The following LRRTM4 variants were observed in gnomAD, a reference collection of about 807,000 sequenced individuals.
The protein encoded by LRRTM4 is leucine rich repeat transmembrane neuronal 4, also known as leucine-rich repeat transmembrane neuronal protein 4.
In LRRTM4, 25 loss-of-function variants were observed where a neutral mutation model predicts 47.6. The observed-to-expected ratio is 0.53, with a 90% CI of 0.38 to 0.73. The LOEUF is 0.73. Ranked by LOEUF, LRRTM4 falls within the 30% of genes least tolerant of loss-of-function variation. The probability of loss-of-function intolerance (pLI) is 0.00; values close to 1 mark genes in which losing one functional copy is unlikely to be tolerated. For synonymous variants in LRRTM4, 311 were observed against 269.5 expected (o/e 1.15, Z -1.51); for missense variants, 638 against 713.4 (o/e 0.89, Z 1.20).
intron 3 of LRRTM4, among the ~76,000 whole-genome samples, chr2:77,382,968 CA>C (rs1460215093): frequency 6.6e-6 from 1 of 151,980 alleles, no homozygotes; most frequent in Non-Finnish European, 1.5e-5. Context: ...AGAAAATATG[CA>C]GATTCAGAGC....
In LRRTM4 at chr2:76,796,565, G is replaced by A. The variant is rs866366433; in HGVS notation, c.1552-47649C>T. On this transcript the variant is annotated intron_variant, in intron 3 of 3. Transcript: ENST00000409884. ...GCACGGGCACACTGACACCTCACAC[G>A]GCAGGGTATTCCAACAGACCTGCAG... Among the ~76,000 whole-genome samples, 284 of 120,222 alleles carry A rather than the reference G, an allele frequency of 2.4e-3. 4 individuals are homozygous for A. Among genetic ancestry groups the A allele is most frequent in the African/African-American group, 7.2e-3 (195 of 27,156 alleles). The allele number at this position is 120,222 out of a possible 152,430, so 78.9% of individuals were successfully genotyped here.
chr2:77,113,443 T>G (rs1671304237), intron 3 of LRRTM4, among the ~76,000 whole-genome samples: 1 of 152,114 alleles, frequency 6.6e-6, no homozygotes, highest in Admixed American at 6.5e-5. Flanking sequence ...CCTTGAGCAT[T>G]ATGAGGTTCT....
chr2:76,787,132 G>C (rs1406233341), intron 3 of LRRTM4, among the ~76,000 whole-genome samples: 1 of 152,020 alleles, frequency 6.6e-6, no homozygotes, highest in East Asian at 1.9e-4. Flanking sequence ...CTGTGTTCAT[G>C]TCATAAAGGA....
intron 3 of LRRTM4, among the ~76,000 whole-genome samples, chr2:76,813,894 A>G (rs2103832083): frequency 7.6e-6 from 1 of 131,172 alleles, no homozygotes; most frequent in African/African-American, 3.0e-5. Flanking sequence ...ACAACTATGA[A>G]CCAATTTGGC....
intron 3 of LRRTM4, among the ~76,000 whole-genome samples, chr2:77,390,935 G>A (rs1673479280): frequency 6.6e-6 from 1 of 151,404 alleles, no homozygotes; most frequent in Non-Finnish European, 1.5e-5. Flanking sequence ...GCAACACAGA[G>A]AAGAAATAAC....
chr2:77,309,726 GATAGATAT>G (rs926841044), intron 3 of LRRTM4, among the ~76,000 whole-genome samples: 2 of 130,654 alleles, frequency 1.5e-5, no homozygotes, highest in African/African-American at 5.7e-5. Context: ...TAGATAGATA[GATAGATAT>G]AACAAAAGGC....
chr2:76,814,846 C>T (rs941855283), intron 3 of LRRTM4, among the ~76,000 whole-genome samples: 1 of 151,232 alleles, frequency 6.6e-6, no homozygotes, highest in African/African-American at 2.4e-5. Flanking sequence ...AAAGCATACC[C>T]CATACATATG....
At chr2:77,456,244 C>G (rs1040723703) in intron 3 of LRRTM4, among the ~76,000 whole-genome samples, 10 of 152,124 alleles carry the variant, frequency 6.6e-5, no homozygotes, top group Non-Finnish European at 1.5e-4. Flanking sequence ...CTATGCTACC[C>G]TAAAAATTCT....
chr2:76,974,464 A>G (rs1012665857), intron 3 of LRRTM4, among the ~76,000 whole-genome samples: 22 of 151,022 alleles, frequency 1.5e-4, no homozygotes, highest in African/African-American at 4.8e-4. Flanking sequence ...ACATTTTATA[A>G]TATTAACTAA....
rs60366048 is a variant in LRRTM4, at chr2:77,046,977, C to T, written c.1552-298061G>A. Among the ~76,000 whole-genome samples the T allele has an allele frequency of 7.0e-3, 1,062 of 152,094 alleles. 11 individuals carry two copies. The highest frequency in any genetic ancestry group is 0.025 in the African/African-American group (1,024 of 41,528). ...TTGTTCTGCATGAGCATATTCTGCTCCTCTCTCGGAGCAAATGTCCAATAA... is the reference window on the plus strand; with the variant it reads ...TTGTTCTGCATGAGCATATTCTGCTTCTCTCTCGGAGCAAATGTCCAATAA... On this transcript the variant is annotated intron_variant, in intron 3 of 3. Coordinates refer to ENST00000409884, the MANE Select transcript of LRRTM4 (RefSeq NM_001134745.3).
rs139399429 is a variant in LRRTM4 at position 77,420,697 on chromosome 2, T to C, written c.1551+97621A>G. Among the ~76,000 whole-genome samples the C allele has an allele frequency of 5.8e-3, 873 of 149,884 alleles. 6 individuals are homozygous for C. The highest frequency in any genetic ancestry group is 0.01 in the Middle Eastern group (3 of 290). On this transcript the variant is annotated intron_variant, in intron 3 of 3. Coordinates refer to ENST00000409884, the MANE Select transcript of LRRTM4 (RefSeq NM_001134745.3). Reference sequence around the variant, plus strand: ...CCAAGGAGCCTTGTCTTTTTTTTACTAGGAAATATAATTCAGAGAATATAA... The same window carrying C: ...CCAAGGAGCCTTGTCTTTTTTTTACCAGGAAATATAATTCAGAGAATATAA...
chr2:76,836,901 T>A (rs1048914613), intron 3 of LRRTM4, among the ~76,000 whole-genome samples: 1 of 152,172 alleles, frequency 6.6e-6, no homozygotes, highest in Admixed American at 6.6e-5. Flanking sequence ...TTTTCCCTTA[T>A]GTTACAAGAA....
intron 3 of LRRTM4, among the ~76,000 whole-genome samples, chr2:76,911,383 A>G (rs1674049786): frequency 6.6e-6 from 1 of 152,238 alleles, no homozygotes; most frequent in South Asian, 2.1e-4. Flanking sequence ...TGGACAGCCA[A>G]GAACAGTTAC....
At chr2:76,836,433 C>A (rs1021052755) in intron 3 of LRRTM4, among the ~76,000 whole-genome samples, 5 of 151,924 alleles carry the variant, frequency 3.3e-5, no homozygotes, top group African/African-American at 1.2e-4. Context: ...CAAATTTCCA[C>A]TCCGGGCATT....
At chr2:76,980,514 A>C (rs181611088) in intron 3 of LRRTM4, among the ~76,000 whole-genome samples, 7 of 152,238 alleles carry the variant, frequency 4.6e-5, no homozygotes, top group Non-Finnish European at 1.5e-5. Flanking sequence ...AGAAAAATTC[A>C]AGAAAAGAGA....
rs528601508 is a variant in LRRTM4, at chr2:76,899,062, A to C, written c.1552-150146T>G. Among the ~76,000 whole-genome samples the C allele has an allele frequency of 2.0e-5, 3 of 152,186 alleles. No homozygotes were observed. In the South Asian group the frequency reaches 6.2e-4, roughly 31 times the overall value. On this transcript the variant is annotated intron_variant, in intron 3 of 3. Coordinates refer to ENST00000409884, the MANE Select transcript of LRRTM4 (RefSeq NM_001134745.3). ...GTGTTGTAAAATTGGTAAGCTACAC[A>C]GTTGAAGAAATATGAGACTCTTATG... is the stretch of plus-strand genomic sequence containing the variant.
chr2:77,290,150 G>A lies in LRRTM4; in HGVS notation c.1551+228168C>T, dbSNP rs139649884. Among the ~76,000 whole-genome samples the A allele has an allele frequency of 4.7e-3, 715 of 151,946 alleles. 4 individuals are homozygous for A. The highest frequency in any genetic ancestry group is 0.016 in the African/African-American group (655 of 41,488). The stretch of plus-strand genomic sequence containing the variant: ...TGAAACAAACTAGATGAAATAAAAA[G>A]CCCAGTCCACACTAATGTAAACCCT... On this transcript the variant is annotated intron_variant, in intron 3 of 3. Coordinates refer to ENST00000409884, the MANE Select transcript of LRRTM4 (RefSeq NM_001134745.3).
intron 3 of LRRTM4, among the ~76,000 whole-genome samples, chr2:77,145,133 C>T (rs1672220137): frequency 6.6e-6 from 1 of 151,150 alleles, no homozygotes; most frequent in African/African-American, 2.4e-5. Flanking sequence ...GAGTAGCAAG[C>T]TAAAATAGAT....
intron 3 of LRRTM4, among the ~76,000 whole-genome samples, chr2:77,239,122 T>C (rs936265240): frequency 8.5e-5 from 13 of 152,060 alleles, no homozygotes; most frequent in South Asian, 2.1e-4. Context: ...TTCTTACTTG[T>C]AATCACTCTA....
Sources: allele counts gnomAD v4.1 joint callset (sites outside exome capture counted in the v4.1 genomes callset), GRCh38; gene constraint gnomAD v4.1.1; transcripts MANE v1.5; gene names NCBI Gene and HGNC (gene_info 2026-07-23, HGNC 2026-07-21).